AK8: variants seen among roughly 807,000 people sequenced by gnomAD.
The protein encoded by AK8 is ATP-AMP transphosphorylase 8.
AK8 carries 44 observed loss-of-function variants against 54.6 expected under a neutral mutation model. The ratio of observed to expected loss-of-function variants is 0.81; its 90% CI spans 0.63 to 1.04. The LOEUF is 1.04. Among genes scored for constraint, AK8 ranks in the 50% least tolerant of loss-of-function variants. The probability of loss-of-function intolerance (pLI) is 0.00; values close to 1 mark genes in which losing one functional copy is unlikely to be tolerated. For synonymous variants in AK8, 239 were observed against 245.6 expected, an observed-to-expected ratio of 0.97 and a Z score of 0.25; for missense variants, 555 against 613.6, an observed-to-expected ratio of 0.90 and a Z score of 1.01.
At chr9:132,778,853 T>C (rs551370167) in intron 11 of AK8, among the ~76,000 whole-genome samples, 4 of 152,268 alleles carry the variant, frequency 2.6e-5, no homozygotes, top group Admixed American at 2.6e-4. Context: ...ATTTCCAGTT[T>C]GCTTCAGTTT....
At position 132,793,027 on chromosome 9, in the gene AK8, C is replaced by T. The variant is rs147583710; in HGVS notation, c.980-252G>A. ...TCTTTCCCTTTCCTGGACACGACAC[C>T]ATCCCCACCTGCAACCCAGTGAGAT... On this transcript the variant is annotated intron_variant, in intron 10 of 12. Coordinates refer to ENST00000298545, the MANE Select transcript of AK8 (RefSeq NM_152572.3). 3.2e-3 allele frequency among the ~76,000 whole-genome samples: 483 copies of T among 152,102 alleles called. 1 individual carries two copies. Among genetic ancestry groups the T allele is most frequent in the African/African-American group, 0.011 (461 of 41,552 alleles).
chr9:132,837,045 G>C lies in AK8; in HGVS notation c.403-8319C>G, dbSNP rs57545887. 7.1e-4 allele frequency among the ~76,000 whole-genome samples: 108 copies of C among 152,322 alleles called. No homozygotes were observed. Among genetic ancestry groups the C allele is most frequent in the African/African-American group, 2.3e-3 (94 of 41,562 alleles). On this transcript the variant is annotated intron_variant, in intron 5 of 12. Coordinates refer to ENST00000298545, the MANE Select transcript of AK8 (RefSeq NM_152572.3). The surrounding 1 kb of genome is among the most constrained non-coding windows in gnomAD (Gnocchi z 4.3). ...GCCTAAGAATGGGAGAACGGGCCAGGCGTGGTGGTTCACGCCTATAATCCC... is the reference window on the plus strand; with the variant it reads ...GCCTAAGAATGGGAGAACGGGCCAGCCGTGGTGGTTCACGCCTATAATCCC...
intron 11 of AK8, among the ~76,000 whole-genome samples, chr9:132,764,890 G>A (rs151076636): frequency 4.6e-5 from 7 of 152,244 alleles, no homozygotes; most frequent in Non-Finnish European, 8.8e-5. Context: ...ACCAAGGCCA[G>A]ACAAAGATAC....
rs1426473265 is a variant in AK8 at position 132,725,592 on chromosome 9, C to G, written c.*96G>C. ...GACGTACGAGACTGTATCCAGCAGG[C>G]TTTATTGGCTTTTTAGGGGAGCTGT... On this transcript the variant is annotated 3_prime_UTR_variant, in exon 13 of 13. Coordinates refer to ENST00000298545, the MANE Select transcript of AK8 (RefSeq NM_152572.3). The G allele has an allele frequency of 8.7e-7, 1 of 1,155,846 alleles. No individual in the cohort carries two copies. The highest frequency in any genetic ancestry group is 1.2e-6 in the Non-Finnish European group (1 of 815,982). The allele number at this position is 1,155,846 out of a possible 1,614,324, so 71.6% of individuals were successfully genotyped here. A position where few individuals can be genotyped will look rare whatever the true frequency, so the allele number is the denominator to read the frequency against.
chr9:132,875,375 AG>A (rs138418096), intron 1 of AK8, 176 bp from the exon 2 acceptor site: 17 of 955,580 alleles, frequency 1.8e-5, no homozygotes, highest in Non-Finnish European at 2.1e-5. Context: ...CAGAGGCATG[AG>A]GGGGGCCACG....
chr9:132,823,082 A>T (rs1192800755), intron 9 of AK8, 123 bp downstream of exon 9: 1 of 1,336,626 alleles, frequency 7.5e-7, no homozygotes, highest in Non-Finnish European at 9.9e-7. Context: ...AAGAGCCAGA[A>T]AGAGAAGTGA....
In AK8 at chr9:132,875,133, G is replaced by C; in HGVS notation, c.151C>G (p.His51Asp). The change falls in exon 2 of 13, where the codon CAT becomes GAT. Residue 51 changes from histidine to aspartate, a missense_variant. Physicochemically the swap from His to Asp is moderately conservative, Grantham distance 81 (BLOSUM62 -1). Coordinates refer to ENST00000298545, the MANE Select transcript of AK8 (RefSeq NM_152572.3). Reference sequence around the variant, plus strand: ...TGCTCACCATTGTCGTTGTCTCTATGCAAGTGCTGGATCATGAAGGGGATG... The same window carrying C: ...TGCTCACCATTGTCGTTGTCTCTATCCAAGTGCTGGATCATGAAGGGGATG... ...DPIPFMIQHLHRDNDNVPRIV... is the reference protein window; with the variant it reads ...DPIPFMIQHLDRDNDNVPRIV... The C allele has an allele frequency of 1.2e-6, 2 of 1,614,196 alleles. No homozygotes were observed. The highest frequency in any genetic ancestry group is 1.3e-5 in the African/African-American group (1 of 75,066).
chr9:132,859,012 C>T (rs770870078), intron 4 of AK8, among the ~76,000 whole-genome samples: 5 of 152,162 alleles, frequency 3.3e-5, no homozygotes, highest in African/African-American at 9.7e-5. Context: ...GCCTGCTCGA[C>T]GCCACTGCCT....
intron 4 of AK8, among the ~76,000 whole-genome samples, chr9:132,856,183 G>A (rs1486692776): frequency 1.3e-5 from 2 of 152,184 alleles, no homozygotes; most frequent in African/African-American, 4.8e-5. Flanking sequence ...TCTGAAAAAG[G>A]ACATGGGAAG....
chr9:132,819,725 T>A (rs995324459), intron 9 of AK8, among the ~76,000 whole-genome samples: 2 of 152,204 alleles, frequency 1.3e-5, no homozygotes, highest in African/African-American at 2.4e-5. Context: ...CCTATTTTTT[T>A]AAGTACACTT....
intron 10 of AK8, among the ~76,000 whole-genome samples, chr9:132,805,774 T>C (rs1425556594): frequency 6.6e-6 from 1 of 152,114 alleles, no homozygotes; most frequent in East Asian, 1.9e-4. Context: ...TCTGCTTGGC[T>C]ATCTTGGCCA....
chr9:132,828,193 T>C, intron 6 of AK8, 109 bp from the exon 7 acceptor site: 1 of 983,552 alleles, frequency 1.0e-6, no homozygotes, highest in Admixed American at 2.5e-5. Context: ...TTCTGTATAA[T>C]GACATTAAAA....
intron 4 of AK8, among the ~76,000 whole-genome samples, chr9:132,862,362 C>G (rs117742338): frequency 0.025 from 3,752 of 150,890 alleles, 119 homozygotes; most frequent in East Asian, 0.027. Flanking sequence ...GAGTCTTATT[C>G]TGTCGCTCAA....
At chr9:132,831,658 G>A (rs538293246) in intron 5 of AK8, among the ~76,000 whole-genome samples, 2 of 151,338 alleles carry the variant, frequency 1.3e-5, no homozygotes, top group Admixed American at 6.5e-5. Flanking sequence ...GTCAGATGAC[G>A]GACTGACATG....
intron 5 of AK8, among the ~76,000 whole-genome samples, chr9:132,835,008 T>C (rs563473692): frequency 6.6e-6 from 1 of 152,258 alleles, no homozygotes; most frequent in Admixed American, 6.5e-5. Context: ...TAGCTGGGAC[T>C]ACAGGCGCAT....
chr9:132,847,860 G>A (rs1363136616), intron 5 of AK8, among the ~76,000 whole-genome samples: 1 of 151,894 alleles, frequency 6.6e-6, no homozygotes, highest in East Asian at 1.9e-4. Flanking sequence ...GCGCGCCTGT[G>A]ATCCCAGCTA....
chr9:132,741,425 G>A (rs181934961), intron 11 of AK8, among the ~76,000 whole-genome samples: 5 of 152,192 alleles, frequency 3.3e-5, no homozygotes, highest in Admixed American at 2.6e-4. Context: ...GATCAACACT[G>A]AAGTCGCTCT....
chr9:132,856,192 AG>A (rs1371143477), intron 4 of AK8, among the ~76,000 whole-genome samples: 1 of 152,214 alleles, frequency 6.6e-6, no homozygotes, highest in Non-Finnish European at 1.5e-5. Context: ...GGACATGGGA[AG>A]TAGAAATACA....
intron 5 of AK8, among the ~76,000 whole-genome samples, chr9:132,841,420 G>A (rs895100059): frequency 2.0e-5 from 3 of 152,262 alleles, no homozygotes; most frequent in Non-Finnish European, 1.5e-5. Context: ...GCCCCCTGCA[G>A]CGGCGTGGGG....
Sources: gnomAD v4.1 joint callset for allele counts (sites outside exome capture counted in the v4.1 genomes callset) on GRCh38, gnomAD v4.1.1 for gene constraint, Gnocchi (gnomAD v3.1) non-coding constraint, MANE v1.5 for transcripts, NCBI Gene and HGNC (gene_info 2026-07-23, HGNC 2026-07-21) for gene names.